LSAMP: variants seen among roughly 807,000 people sequenced by gnomAD.
The protein encoded by LSAMP is limbic system associated membrane protein.
A neutral mutation model predicts 38.6 loss-of-function variants in LSAMP; 7 were observed. The ratio of observed to expected loss-of-function variants is 0.18; its 90% CI spans 0.10 to 0.34. The LOEUF (loss-of-function observed/expected upper bound fraction) is 0.34, where lower values mean the gene tolerates loss of function less well. Ranked by LOEUF, LSAMP falls within the 10% of genes least tolerant of loss-of-function variation. The pLI is 1.00. For synonymous variants in LSAMP, 154 were observed against 166.8 expected, an observed-to-expected ratio of 0.92 and a Z score of 0.59; for missense variants, 313 against 420.0, an observed-to-expected ratio of 0.75 and a Z score of 2.23.
chr3:116,403,853 C>T (rs2048870926), intron 1 of LSAMP, among the ~76,000 whole-genome samples: 1 of 151,742 alleles, frequency 6.6e-6, no homozygotes, highest in Non-Finnish European at 1.5e-5. Flanking sequence ...TGGGCTCAAG[C>T]AATCCTCCAA....
chr3:115,892,933 G>A (rs1936637338), intron 3 of LSAMP, among the ~76,000 whole-genome samples: 1 of 151,456 alleles, frequency 6.6e-6, no homozygotes, highest in South Asian at 2.1e-4. Context: ...TACAAATATT[G>A]GGTATGGGAG....
chr3:116,311,584 A>G (rs1217137164), intron 1 of LSAMP, among the ~76,000 whole-genome samples: 1 of 152,144 alleles, frequency 6.6e-6, no homozygotes, highest in Non-Finnish European at 1.5e-5. Flanking sequence ...TATTCTTTAC[A>G]AGGTGACCTG....
chr3:115,964,012 C>T (rs1370559098), intron 3 of LSAMP, among the ~76,000 whole-genome samples: 1 of 152,180 alleles, frequency 6.6e-6, no homozygotes, highest in Non-Finnish European at 1.5e-5. Flanking sequence ...TTCAGCCTCC[C>T]AAAGTGCTGT....
chr3:116,240,116 T>C (rs1437754602), intron 1 of LSAMP, among the ~76,000 whole-genome samples: 2 of 152,202 alleles, frequency 1.3e-5, no homozygotes, highest in African/African-American at 2.4e-5. Flanking sequence ...ATGATTATTA[T>C]AAGAAAGTAC....
At chr3:116,019,471 T>C in intron 3 of LSAMP, 44 bp downstream of exon 3, 1 of 1,601,082 alleles carries the variant, frequency 6.2e-7, no homozygotes, top group Non-Finnish European at 8.5e-7. Context: ...CATGAGCATA[T>C]TTTAAACAGC....
chr3:116,070,377 G>T (rs9873576), intron 2 of LSAMP, among the ~76,000 whole-genome samples: 1 of 151,998 alleles, frequency 6.6e-6, no homozygotes, highest in Non-Finnish European at 1.5e-5. Context: ...TTTAAATAAA[G>T]GGGAAAAGAG....
At chr3:116,100,310 C>A (rs1466028119) in intron 1 of LSAMP, among the ~76,000 whole-genome samples, 1 of 152,054 alleles carries the variant, frequency 6.6e-6, no homozygotes, top group Non-Finnish European at 1.5e-5. Context: ...AAACTCCTGA[C>A]CTCAAGTGAT....
chr3:115,889,315 T>C (rs894799122), intron 3 of LSAMP, among the ~76,000 whole-genome samples: 3 of 151,922 alleles, frequency 2.0e-5, no homozygotes, highest in African/African-American at 7.2e-5. Flanking sequence ...TGCTGGGTGA[T>C]GTGTTGGTGA....
At chr3:115,945,616 G>C (rs762254911) in intron 3 of LSAMP, among the ~76,000 whole-genome samples, 3 of 152,088 alleles carry the variant, frequency 2.0e-5, no homozygotes, top group Non-Finnish European at 4.4e-5. Context: ...AGAATGACCA[G>C]TGACATTTAG....
At chr3:115,891,282 AC>A (rs1936593011) in intron 3 of LSAMP, among the ~76,000 whole-genome samples, 1 of 152,014 alleles carries the variant, frequency 6.6e-6, no homozygotes, top group Admixed American at 6.6e-5. Context: ...GATTTGCTGT[AC>A]CCATCAAGAT....
At chr3:116,143,140 CT>C (rs1310803735) in intron 1 of LSAMP, among the ~76,000 whole-genome samples, 1 of 151,506 alleles carries the variant, frequency 6.6e-6, no homozygotes, top group Non-Finnish European at 1.5e-5. Context: ...CCAAGTGTTC[CT>C]TTTTGCCTTT....
chr3:116,039,516 A>G (rs1042832493), intron 2 of LSAMP, among the ~76,000 whole-genome samples: 2 of 152,230 alleles, frequency 1.3e-5, no homozygotes, highest in African/African-American at 2.4e-5. Flanking sequence ...CCTGTATTTT[A>G]TGGAGGCACC....
chr3:116,201,141 CCTT>C (rs1426505512), intron 1 of LSAMP, among the ~76,000 whole-genome samples: 1 of 152,172 alleles, frequency 6.6e-6, no homozygotes. Context: ...CGCTGTACCT[CCTT>C]CTCCCCATCC....
At chr3:116,004,173 G>A (rs1022061869) in intron 3 of LSAMP, among the ~76,000 whole-genome samples, 7 of 152,012 alleles carry the variant, frequency 4.6e-5, no homozygotes, top group Non-Finnish European at 1.0e-4. Flanking sequence ...GACGTTCAGG[G>A]CTTCAATATA....
At chr3:116,059,515 T>C (rs1442914598) in intron 2 of LSAMP, among the ~76,000 whole-genome samples, 1 of 152,156 alleles carries the variant, frequency 6.6e-6, no homozygotes, top group Non-Finnish European at 1.5e-5. Flanking sequence ...TCTTCCTTTT[T>C]CTGCCAACAT....
intron 1 of LSAMP, among the ~76,000 whole-genome samples, chr3:116,229,935 G>A (rs2046384552): frequency 6.6e-6 from 1 of 152,142 alleles, no homozygotes; most frequent in Non-Finnish European, 1.5e-5. Flanking sequence ...GGGGTGGTGG[G>A]TGGAAGATTA....
chr3:116,358,688 C>T (rs1457509445), intron 1 of LSAMP, among the ~76,000 whole-genome samples: 2 of 152,016 alleles, frequency 1.3e-5, no homozygotes, highest in East Asian at 1.9e-4. Context: ...TCTCTTTATG[C>T]ATACTTGTTT....
chr3:116,002,257 G>C (rs768062950), intron 3 of LSAMP, among the ~76,000 whole-genome samples: 2 of 152,084 alleles, frequency 1.3e-5, no homozygotes, highest in Non-Finnish European at 2.9e-5. Flanking sequence ...CCCTAGAGAG[G>C]GCAGTTGCTT....
At chr3:116,049,642 G>A (rs1006700135) in intron 2 of LSAMP, among the ~76,000 whole-genome samples, 5 of 152,072 alleles carry the variant, frequency 3.3e-5, no homozygotes, top group African/African-American at 4.8e-5. Flanking sequence ...CATGTATGAC[G>A]CTACCCATAT....
Sources: allele counts gnomAD v4.1 joint callset (sites outside exome capture counted in the v4.1 genomes callset), GRCh38; gene constraint gnomAD v4.1.1; transcripts MANE v1.5; gene names NCBI Gene and HGNC (gene_info 2026-07-23, HGNC 2026-07-21).